TENM2: variants seen among roughly 807,000 people sequenced by gnomAD.
TENM2 encodes teneurin-2.
A neutral mutation model predicts 245.2 loss-of-function variants in TENM2; 52 were observed. The ratio of observed to expected loss-of-function variants is 0.21; its 90% confidence interval spans 0.17 to 0.27. The LOEUF (loss-of-function observed/expected upper bound fraction) is 0.27, where lower values mean the gene tolerates loss of function less well. TENM2 is among the 10% of genes least tolerant of loss of function. The pLI, the probability that TENM2 is intolerant of heterozygous loss-of-function variation, is 1.00. For synonymous variants in TENM2, 1,363 were observed against 1,438.9 expected (o/e 0.95, Z 1.19); for missense variants, 3,046 against 3,666.8 (o/e 0.83, Z 4.37).
intron 25 of TENM2, among the ~76,000 whole-genome samples, chr5:168,239,496 C>G (rs540937031): frequency 8.5e-5 from 13 of 152,234 alleles, no homozygotes; most frequent in African/African-American, 3.1e-4. Flanking sequence ...GGCCTCTCAG[C>G]TCTAAGTAAC....
chr5:167,760,809 A>G (rs1012815755), intron 2 of TENM2, among the ~76,000 whole-genome samples: 2 of 152,158 alleles, frequency 1.3e-5, no homozygotes, highest in Non-Finnish European at 2.9e-5. Context: ...GCGTGCCACG[A>G]TGCCTGGCTA....
intron 2 of TENM2, among the ~76,000 whole-genome samples, chr5:167,782,371 T>A (rs918750183): frequency 1.3e-5 from 2 of 150,076 alleles, no homozygotes; most frequent in Non-Finnish European, 3.0e-5. Context: ...GCTTCTGAGT[T>A]ACTGTTAATA....
intron 1 of TENM2, among the ~76,000 whole-genome samples, chr5:167,345,902 A>T (rs1160574795): frequency 6.6e-6 from 1 of 152,050 alleles, no homozygotes; most frequent in Non-Finnish European, 1.5e-5. Flanking sequence ...CAAAAAAAAA[A>T]AAAAAAACAA....
chr5:168,170,360 C>T (rs962247399), intron 13 of TENM2, among the ~76,000 whole-genome samples: 2 of 151,910 alleles, frequency 1.3e-5, no homozygotes, highest in Non-Finnish European at 1.5e-5. Flanking sequence ...AAAAATTAGC[C>T]GGGCATAGTG....
chr5:167,025,278 A>T, the TENM2 span, among the ~76,000 whole-genome samples: 1 of 152,206 alleles, frequency 6.6e-6, no homozygotes, highest in Non-Finnish European at 1.5e-5. Context: ...TTCTTTTTTC[A>T]TACTAAATCT....
chr5:167,274,214 T>C, the TENM2 span, among the ~76,000 whole-genome samples: 2 of 152,128 alleles, frequency 1.3e-5, no homozygotes, highest in Non-Finnish European at 2.9e-5. Flanking sequence ...TTCTATAATT[T>C]TGTGATTTCC....
the TENM2 span, among the ~76,000 whole-genome samples, chr5:167,199,801 A>G: frequency 2.6e-5 from 4 of 152,234 alleles, no homozygotes. Flanking sequence ...AAGAGACTGA[A>G]ATTTTTTTCT....
the TENM2 span, among the ~76,000 whole-genome samples, chr5:167,196,566 GTATA>G: frequency 2.1e-5 from 3 of 143,396 alleles, no homozygotes; most frequent in Non-Finnish European, 3.0e-5. Flanking sequence ...ATATGTGTGT[GTATA>G]TATATATATA....
At chr5:167,217,737 A>AT in the TENM2 span, among the ~76,000 whole-genome samples, 1 of 141,768 alleles carries the variant, frequency 7.1e-6, no homozygotes, top group African/African-American at 2.6e-5. Flanking sequence ...TATATATATA[A>AT]TATATGTGAT....
chr5:167,656,943 CTT>C (rs5873053), intron 2 of TENM2, among the ~76,000 whole-genome samples: 28 of 142,310 alleles, frequency 2.0e-4, no homozygotes, highest in East Asian at 2.0e-4. Flanking sequence ...AAAGATTTAT[CTT>C]TTTTTTTTTT....
chr5:168,162,784 C>A (rs773987338), intron 13 of TENM2, 27 bp downstream of exon 15: 4 of 1,610,616 alleles, frequency 2.5e-6, no homozygotes, highest in South Asian at 1.1e-5. Context: ...TCATTCCCAG[C>A]CCCTAAGAGC....
chr5:167,580,725 C>T (rs1435659266), intron 2 of TENM2, among the ~76,000 whole-genome samples: 1 of 152,244 alleles, frequency 6.6e-6, no homozygotes, highest in African/African-American at 2.4e-5. Context: ...CTCAGTGGCT[C>T]ATGCCTATAA....
chr5:167,782,251 T>C (rs1764235304), intron 2 of TENM2, among the ~76,000 whole-genome samples: 1 of 133,272 alleles, frequency 7.5e-6, no homozygotes, highest in Non-Finnish European at 1.5e-5. Flanking sequence ...AGGTAGAGGT[T>C]GCGGTGAGCC....
the TENM2 span, chr5:167,165,148 A>C: frequency 2.0e-5 from 3 of 152,008 alleles, no homozygotes; most frequent in Non-Finnish European, 4.4e-5. Flanking sequence ...CTGCAGCTAT[A>C]ATAAGTAACC....
intron 4 of TENM2, among the ~76,000 whole-genome samples, chr5:167,964,975 AT>A (rs1781283723): frequency 6.6e-6 from 1 of 152,162 alleles, no homozygotes; most frequent in Non-Finnish European, 1.5e-5. Context: ...TGATAAATGG[AT>A]TGGGGGGCAG....
chr5:167,326,300 A>G lies in TENM2; in HGVS notation c.226+41237A>G, dbSNP rs897468374. 2.6e-5 allele frequency among the ~76,000 whole-genome samples: 4 copies of G among 152,160 alleles called. No homozygotes were observed. In the East Asian group the frequency reaches 5.8e-4, roughly 22 times the overall value. On this transcript the variant is annotated intron_variant, in intron 1 of 28. Transcript: ENST00000518659. ...TTATAGTGGGAAGTCACTGGATCTG[A>G]GGCATGGAAGTACATCTACTTTGTT...
intron 2 of TENM2, among the ~76,000 whole-genome samples, chr5:167,782,313 C>CAAAAAAAAAAAAAAAAAAAAAAAA (rs767675565): frequency 5.1e-5 from 3 of 58,774 alleles, no homozygotes; most frequent in African/African-American, 6.7e-5. Context: ...AACTCTGTCT[C>CAAAAAAAAAAAAAAAAAAAAAAAA]AAAAAAAAAA....
chr5:167,924,007 G>A (rs899629083), intron 3 of TENM2, among the ~76,000 whole-genome samples: 1 of 152,212 alleles, frequency 6.6e-6, no homozygotes, highest in African/African-American at 2.4e-5. Context: ...GCATGCTTTT[G>A]TGTTTATATG....
At chr5:168,096,562 G>T (rs1793387552) in intron 8 of TENM2, among the ~76,000 whole-genome samples, 1 of 152,226 alleles carries the variant, frequency 6.6e-6, no homozygotes, top group Non-Finnish European at 1.5e-5. Flanking sequence ...GAAGATGAGA[G>T]CTGAGAAAGG....
Sources: allele counts gnomAD v4.1 joint callset (sites outside exome capture counted in the v4.1 genomes callset), GRCh38; gene constraint gnomAD v4.1.1; transcripts MANE v1.5; gene names NCBI Gene and HGNC (gene_info 2026-07-23, HGNC 2026-07-21).